The following CCBE1 variants were observed in gnomAD, a reference collection of about 807,000 sequenced individuals.
CCBE1 encodes the protein collagen and calcium binding EGF domains 1.
Under a neutral mutation model 50.0 loss-of-function variants are expected in CCBE1, and 37 were observed. The ratio of observed to expected loss-of-function variants is 0.74; its 90% confidence interval spans 0.57 to 0.97. The LOEUF (loss-of-function observed/expected upper bound fraction) is 0.97. Ranked by LOEUF, CCBE1 falls within the 50% of genes least tolerant of loss-of-function variation. The pLI is 0.00. For synonymous variants in CCBE1, 234 were observed against 203.7 expected (o/e 1.15, Z -1.27); for missense variants, 538 against 523.8 (o/e 1.03, Z -0.26).
chr18:59,589,186 T>C (rs1273619529), intron 2 of CCBE1, among the ~76,000 whole-genome samples: 1 of 152,194 alleles, frequency 6.6e-6, no homozygotes, highest in Admixed American at 6.5e-5. Flanking sequence ...TTAGGGGCAG[T>C]ATATCTACTT....
At chr18:59,550,330 C>T (rs918395568) in intron 2 of CCBE1, among the ~76,000 whole-genome samples, 4 of 152,160 alleles carry the variant, frequency 2.6e-5, no homozygotes, top group South Asian at 4.1e-4. Flanking sequence ...TGGCTGATTT[C>T]GAGTGACAAC....
chr18:59,680,435 TTG>T (rs2054572407), intron 2 of CCBE1, among the ~76,000 whole-genome samples: 2 of 150,982 alleles, frequency 1.3e-5, no homozygotes, highest in Non-Finnish European at 3.0e-5. Context: ...GCGCGGTGGT[TTG>T]CATGTAATCC....
intron 7 of CCBE1, 30 bp from the exon 8 acceptor site, chr18:59,439,846 C>G (rs1910339385): frequency 6.2e-7 from 1 of 1,611,770 alleles, no homozygotes; most frequent in Non-Finnish European, 8.5e-7. Context: ...CATTAGCTCA[C>G]AGCACATGAG....
At chr18:59,454,121 G>A (rs990802049) in intron 6 of CCBE1, among the ~76,000 whole-genome samples, 7 of 152,172 alleles carry the variant, frequency 4.6e-5, no homozygotes, top group Admixed American at 3.3e-4. Context: ...GCTTATGGCA[G>A]TTTATAGAGA....
intron 2 of CCBE1, among the ~76,000 whole-genome samples, chr18:59,592,447 T>C (rs2144538941): frequency 6.6e-6 from 1 of 152,250 alleles, no homozygotes; most frequent in East Asian, 1.9e-4. Flanking sequence ...AAGAGACAGA[T>C]TGAATGAACT....
intron 3 of CCBE1, among the ~76,000 whole-genome samples, chr18:59,472,377 TTAAA>T (rs1187538248): frequency 6.6e-6 from 1 of 152,248 alleles, no homozygotes; most frequent in African/African-American, 2.4e-5. Context: ...TTGCTTTCTG[TTAAA>T]TAAGTGGTGA....
At chr18:59,443,700 C>T (rs984929298) in intron 7 of CCBE1, among the ~76,000 whole-genome samples, 4 of 152,230 alleles carry the variant, frequency 2.6e-5, no homozygotes, top group Middle Eastern at 3.4e-3. Context: ...AACTCCTGAC[C>T]TCAAGTGATC....
chr18:59,573,458 A>G (rs2144491708), intron 2 of CCBE1, among the ~76,000 whole-genome samples: 1 of 151,394 alleles, frequency 6.6e-6, no homozygotes, highest in East Asian at 1.9e-4. Context: ...TCTTACCTCA[A>G]TCTCCAGCTT....
intron 2 of CCBE1, among the ~76,000 whole-genome samples, chr18:59,493,341 T>A (rs945429077): frequency 4.6e-5 from 7 of 152,200 alleles, no homozygotes; most frequent in African/African-American, 1.7e-4. Context: ...ACACCGAAAG[T>A]AGGATTTCTA....
At chr18:59,605,067 C>T (rs2053479683) in intron 2 of CCBE1, among the ~76,000 whole-genome samples, 1 of 152,134 alleles carries the variant, frequency 6.6e-6, no homozygotes, top group African/African-American at 2.4e-5. Context: ...TCTGGCCTGA[C>T]TTGATTGCAA....
At chr18:59,492,144 C>CAAAAAAAAAAA (rs869190811) in intron 2 of CCBE1, among the ~76,000 whole-genome samples, 1 of 78,424 alleles carries the variant, frequency 1.3e-5, no homozygotes, top group Non-Finnish European at 2.4e-5. Context: ...GACTTTGTCT[C>CAAAAAAAAAAA]AAAAAAAAAA....
Position 59,673,130 on chromosome 18 carries a change from A to G in CCBE1, c.212+23499T>C, listed in dbSNP as rs369304248. ...TGCTTGACAAACCTAAGCCTTAATC[A>G]TCTCTTCTGGAACATGAGGATTAAA... On this transcript the variant is annotated intron_variant, in intron 2 of 10. Transcript: ENST00000439986. Among the ~76,000 whole-genome samples, 25 of 152,318 alleles carry G rather than the reference A, an allele frequency of 1.6e-4. No individual in the cohort carries two copies. The South Asian group carries it at 2.9e-3, about 18-fold the overall frequency.
chr18:59,510,225 G>C (rs1914071585), intron 2 of CCBE1, among the ~76,000 whole-genome samples: 1 of 152,146 alleles, frequency 6.6e-6, no homozygotes, highest in African/African-American at 2.4e-5. Context: ...GGATGCTGGG[G>C]CCATTAGCCA....
intron 2 of CCBE1, among the ~76,000 whole-genome samples, chr18:59,522,993 C>CAAAAAAAAA (rs57217059): frequency 6.7e-5 from 6 of 89,220 alleles, no homozygotes; most frequent in South Asian, 4.8e-4. Context: ...GACTCTGTTT[C>CAAAAAAAAA]AAAAAAAAAA....
intron 2 of CCBE1, among the ~76,000 whole-genome samples, chr18:59,492,648 C>T (rs1456681615): frequency 6.6e-6 from 1 of 152,190 alleles, no homozygotes; most frequent in Non-Finnish European, 1.5e-5. Flanking sequence ...AAACCTGTAT[C>T]CGTGACACCA....
intron 5 of CCBE1, among the ~76,000 whole-genome samples, chr18:59,460,488 C>T (rs186178090): frequency 3.9e-5 from 6 of 152,270 alleles, no homozygotes; most frequent in East Asian, 3.9e-4. Context: ...TCTGATGTTC[C>T]GGAATGTGGG....
At chr18:59,628,572 T>C (rs2053815581) in intron 2 of CCBE1, among the ~76,000 whole-genome samples, 1 of 152,192 alleles carries the variant, frequency 6.6e-6, no homozygotes, top group African/African-American at 2.4e-5. Context: ...GCGATGTCCA[T>C]GGCTTCGTGG....
intron 2 of CCBE1, among the ~76,000 whole-genome samples, chr18:59,591,848 C>T (rs558088107): frequency 9.9e-5 from 15 of 152,172 alleles, no homozygotes; most frequent in African/African-American, 3.1e-4. Flanking sequence ...GTGCACAAGG[C>T]TATTAATTTC....
intron 2 of CCBE1, among the ~76,000 whole-genome samples, chr18:59,566,832 G>A (rs2052837558): frequency 6.6e-6 from 1 of 152,144 alleles, no homozygotes; most frequent in Non-Finnish European, 1.5e-5. Flanking sequence ...AATGATGGCT[G>A]CTTCCTGGAA....
Sources: allele counts gnomAD v4.1 joint callset (sites outside exome capture counted in the v4.1 genomes callset), GRCh38; gene constraint gnomAD v4.1.1; transcripts MANE v1.5; gene names NCBI Gene and HGNC (gene_info 2026-07-23, HGNC 2026-07-21).